Variants in ABLIM1 observed in about 807,000 individuals in gnomAD.
ABLIM1 encodes the protein actin binding LIM protein 1, also known as actin-binding LIM protein 1.
In ABLIM1, 40 loss-of-function variants were observed where a neutral mutation model predicts 107.0. The observed-to-expected ratio is 0.37, with a 90% CI of 0.29 to 0.49. ABLIM1 has a LOEUF of 0.49. Among genes scored for constraint, ABLIM1 ranks in the 20% least tolerant of loss-of-function variants. The pLI is 0.97. For synonymous variants in ABLIM1, 357 were observed against 357.3 expected (o/e 1.00, Z 0.01); for missense variants, 857 against 1,008.5 (o/e 0.85, Z 2.04).
At chr10:114,461,556 C>T (rs561097695) in intron 12 of ABLIM1, among the ~76,000 whole-genome samples, 5 of 152,232 alleles carry the variant, frequency 3.3e-5, no homozygotes, top group African/African-American at 4.8e-5. Flanking sequence ...TGATAGCTCA[C>T]GCCTGTAATC....
At chr10:114,704,831 G>A (rs1367546812) in intron 1 of ABLIM1, among the ~76,000 whole-genome samples, 3 of 152,118 alleles carry the variant, frequency 2.0e-5, no homozygotes, top group South Asian at 2.1e-4. Flanking sequence ...CTAATAAGGC[G>A]TCAAGCCCAA....
intron 6 of ABLIM1, among the ~76,000 whole-genome samples, chr10:114,532,907 C>A (rs2065603179): frequency 6.6e-6 from 1 of 152,168 alleles, no homozygotes; most frequent in Admixed American, 6.5e-5. Context: ...TTCTCCACCA[C>A]CGTCAGCTAG....
At chr10:114,790,075 G>A in the ABLIM1 span, among the ~76,000 whole-genome samples, 1 of 152,244 alleles carries the variant, frequency 6.6e-6, no homozygotes, top group Non-Finnish European at 1.5e-5. Context: ...TTACAGGCGT[G>A]AGCCACTGGC....
chr10:114,705,357 T>C (rs73371883), intron 1 of ABLIM1, among the ~76,000 whole-genome samples: 3,970 of 152,226 alleles, frequency 0.026, 158 homozygotes, highest in African/African-American at 0.09. Context: ...TGGGCATCAT[T>C]CCATATCCTA....
the ABLIM1 span, among the ~76,000 whole-genome samples, chr10:114,796,387 G>A: frequency 6.6e-6 from 1 of 152,130 alleles, no homozygotes; most frequent in Non-Finnish European, 1.5e-5. Flanking sequence ...CTGGCAAGAG[G>A]CTTCAGTTCC....
In ABLIM1 at chr10:114,619,112, C is replaced by T. The variant is rs544313703; in HGVS notation, c.245-17151G>A. 1.3e-5 allele frequency among the ~76,000 whole-genome samples: 2 copies of T among 152,128 alleles called. No individual in the cohort carries two copies. Among genetic ancestry groups the T allele is most frequent in the Non-Finnish European group, 2.9e-5 (2 of 68,026 alleles). Reference sequence around the variant, plus strand: ...GCATGGAAGGCCTGCTGACAACTCACCTTTTGGACATTCCTGAGGGAGGGG... The same window carrying T: ...GCATGGAAGGCCTGCTGACAACTCATCTTTTGGACATTCCTGAGGGAGGGG... On this transcript the variant is annotated intron_variant, in intron 1 of 22. Coordinates refer to ENST00000533213, the MANE Select transcript of ABLIM1 (RefSeq NM_002313.7). This position sits in a 1 kb window ranked among gnomAD's most constrained non-coding sequence, Gnocchi z 4.1.
At chr10:114,537,555 C>T (rs933237457) in intron 6 of ABLIM1, among the ~76,000 whole-genome samples, 15 of 152,210 alleles carry the variant, frequency 9.9e-5, no homozygotes, top group African/African-American at 2.4e-4. Context: ...TCCAGAGTCT[C>T]GGGCACTCAG....
At chr10:114,653,272 T>C (rs2079337655) in intron 1 of ABLIM1, among the ~76,000 whole-genome samples, 1 of 152,222 alleles carries the variant, frequency 6.6e-6, no homozygotes, top group African/African-American at 2.4e-5. Flanking sequence ...CGAGGTATGG[T>C]GGCTTGCGCC....
At chr10:114,461,597 T>G (rs1327792312) in intron 12 of ABLIM1, among the ~76,000 whole-genome samples, 1 of 152,070 alleles carries the variant, frequency 6.6e-6, no homozygotes, top group Non-Finnish European at 1.5e-5. Context: ...GGCGGGTGGA[T>G]CACTTGAAGC....
At chr10:114,698,375 T>C (rs1457897643) in intron 1 of ABLIM1, among the ~76,000 whole-genome samples, 1 of 111,736 alleles carries the variant, frequency 8.9e-6, no homozygotes, top group Non-Finnish European at 1.9e-5. Context: ...AACCCTCCCA[T>C]AAAGTAGAGC....
At chr10:114,444,008 G>A in intron 17 of ABLIM1, 21 bp downstream of exon 17, 1 of 1,591,060 alleles carries the variant, frequency 6.3e-7, no homozygotes, top group Non-Finnish European at 8.6e-7. Flanking sequence ...AATCAGGGAA[G>A]GTTGGGGGTT....
intron 1 of ABLIM1, among the ~76,000 whole-genome samples, chr10:114,650,641 A>C (rs1405634640): frequency 6.6e-6 from 1 of 152,218 alleles, no homozygotes; most frequent in Non-Finnish European, 1.5e-5. Context: ...GAACTAGGTG[A>C]AAAGTGTCTT....
chr10:114,797,302 C>T, the ABLIM1 span, among the ~76,000 whole-genome samples: 1 of 152,158 alleles, frequency 6.6e-6, no homozygotes, highest in African/African-American at 2.4e-5. Context: ...CTTCTTCATA[C>T]CTGAATGGAA....
chr10:114,433,575 A>C lies in ABLIM1; in HGVS notation c.*2685T>G, dbSNP rs1009755401. 1 of 152,232 alleles carries C rather than the reference A, an allele frequency of 6.6e-6. No homozygotes were observed. Among genetic ancestry groups the C allele is most frequent in the African/African-American group, 2.4e-5 (1 of 41,468 alleles). The allele number at this position is 152,232 out of a possible 1,614,324, so 9.4% of individuals were successfully genotyped here. A position where few individuals can be genotyped will look rare whatever the true frequency, so the allele number is the denominator to read the frequency against. ...CTCATATGGTACTTGATATGGAAAG[A>C]AGCTTTTTTTCTTCTCAAGTTGGAT... On this transcript the variant is annotated 3_prime_UTR_variant, in exon 23 of 23. Coordinates refer to ENST00000533213, the MANE Select transcript of ABLIM1 (RefSeq NM_002313.7).
chr10:114,598,893 T>C (rs1336156259), intron 2 of ABLIM1, among the ~76,000 whole-genome samples: 1 of 152,178 alleles, frequency 6.6e-6, no homozygotes, highest in African/African-American at 2.4e-5. Flanking sequence ...TGTGCAGGTT[T>C]GTCACACAGG....
At chr10:114,651,756 C>T (rs574039436) in intron 1 of ABLIM1, among the ~76,000 whole-genome samples, 1 of 152,312 alleles carries the variant, frequency 6.6e-6, no homozygotes, top group South Asian at 2.1e-4. Flanking sequence ...TCCATTCATG[C>T]CCTTGCAAGA....
intron 1 of ABLIM1, among the ~76,000 whole-genome samples, chr10:114,740,357 G>A (rs1487316408): frequency 6.6e-6 from 1 of 152,012 alleles, no homozygotes; most frequent in Non-Finnish European, 1.5e-5. Flanking sequence ...TTACAGATTT[G>A]AAGCTGAACT....
intron 1 of ABLIM1, among the ~76,000 whole-genome samples, chr10:114,740,079 G>A (rs527866456): frequency 2.0e-5 from 3 of 152,148 alleles, no homozygotes; most frequent in South Asian, 4.2e-4. Context: ...ATTATAAGAC[G>A]CAGAGAAAGA....
upstream of ABLIM1, among the ~76,000 whole-genome samples, chr10:114,685,685 GC>G (rs2141641248): frequency 6.6e-6 from 1 of 152,300 alleles, no homozygotes; most frequent in South Asian, 2.1e-4. Flanking sequence ...TAAAATGCTT[GC>G]CATTTGCAGA....
Sources: allele counts gnomAD v4.1 joint callset (sites outside exome capture counted in the v4.1 genomes callset), GRCh38; gene constraint gnomAD v4.1.1; non-coding constraint Gnocchi (gnomAD v3.1); transcripts MANE v1.5; gene names NCBI Gene and HGNC (gene_info 2026-07-23, HGNC 2026-07-21).